PXDNL: variants seen among roughly 807,000 people sequenced by gnomAD.
PXDNL encodes the protein peroxidasin like, also known as probable oxidoreductase PXDNL.
In PXDNL, 145 loss-of-function variants were observed where a neutral mutation model predicts 150.8. The observed-to-expected ratio is 0.96, with a 90% CI of 0.84 to 1.10. PXDNL has a LOEUF of 1.10. Among genes scored for constraint, PXDNL ranks in the 50% least tolerant of loss-of-function variants. The pLI is 0.00. For missense variants in PXDNL, 2,087 were observed against 1,873.9 expected (o/e 1.11, Z -2.10); for synonymous variants, 757 against 725.7 (o/e 1.04, Z -0.69).
chr8:51,441,757 C>T (rs1037554625), intron 12 of PXDNL, among the ~76,000 whole-genome samples: 1 of 152,060 alleles, frequency 6.6e-6, no homozygotes, highest in Non-Finnish European at 1.5e-5. Flanking sequence ...GTAATAAATG[C>T]CCTGTAGGAC....
At chr8:51,612,498 C>T (rs1814032303) in intron 2 of PXDNL, among the ~76,000 whole-genome samples, 2 of 152,160 alleles carry the variant, frequency 1.3e-5, no homozygotes. Context: ...AGGCATGGTT[C>T]TATGGTCTGA....
chr8:51,607,839 C>CA lies in PXDNL; in HGVS notation c.237-15142dup, dbSNP rs1270627183. Among the ~76,000 whole-genome samples the CA allele has an allele frequency of 4.9e-5, 4 of 81,406 alleles. No individual in the cohort carries two copies. The South Asian group carries it at 1.7e-3, about 34-fold the overall frequency. 53.4% of individuals were successfully genotyped at this position (81,406 alleles called of 152,430 possible). ...TGAGCAACAGAGTGAGACTCCATCT[C>CA]AAAAAAAAGGAAGAGAGGAAGGAAG... On this transcript the variant is annotated intron_variant, in intron 2 of 22. Transcript: ENST00000356297.
At chr8:51,439,274 G>A (rs1809484363) in intron 12 of PXDNL, among the ~76,000 whole-genome samples, 1 of 151,998 alleles carries the variant, frequency 6.6e-6, no homozygotes, top group Non-Finnish European at 1.5e-5. Flanking sequence ...GACATGAATA[G>A]ACAATTCTCA....
At chr8:51,655,059 T>C (rs1178509141) in intron 1 of PXDNL, among the ~76,000 whole-genome samples, 1 of 152,250 alleles carries the variant, frequency 6.6e-6, no homozygotes, top group Non-Finnish European at 1.5e-5. Flanking sequence ...AGGTTTTATT[T>C]GTATGCCAGT....
At chr8:51,761,085 G>A (rs533473891) in intron 1 of PXDNL, among the ~76,000 whole-genome samples, 21 of 145,642 alleles carry the variant, frequency 1.4e-4, no homozygotes, top group African/African-American at 4.4e-4. Flanking sequence ...ATGTTAGCCA[G>A]GATGGTCTCG....
chr8:51,544,885 G>T (rs777910224), intron 4 of PXDNL, among the ~76,000 whole-genome samples: 5 of 150,452 alleles, frequency 3.3e-5, no homozygotes, highest in African/African-American at 5.0e-5. Flanking sequence ...TGTACAATAA[G>T]AAACATTAAA....
intron 21 of PXDNL, among the ~76,000 whole-genome samples, chr8:51,338,671 C>G (rs1231414925): frequency 6.6e-6 from 1 of 152,214 alleles, no homozygotes; most frequent in Non-Finnish European, 1.5e-5. Context: ...GGCACCATGC[C>G]TTGAAAGAAA....
intron 21 of PXDNL, among the ~76,000 whole-genome samples, chr8:51,336,165 T>C (rs905016747): frequency 6.6e-6 from 1 of 152,188 alleles, no homozygotes; most frequent in African/African-American, 2.4e-5. Flanking sequence ...TGAGGCCCAT[T>C]ATGGTATATA....
At chr8:51,732,152 C>A (rs988550878) in intron 1 of PXDNL, among the ~76,000 whole-genome samples, 1 of 152,160 alleles carries the variant, frequency 6.6e-6, no homozygotes, top group Non-Finnish European at 1.5e-5. Flanking sequence ...CAAAGCATAT[C>A]TTTGTGAATA....
At chr8:51,326,777 C>T (rs1020964844) in intron 21 of PXDNL, among the ~76,000 whole-genome samples, 3 of 152,180 alleles carry the variant, frequency 2.0e-5, no homozygotes, top group East Asian at 3.9e-4. Flanking sequence ...TGCATGGTTC[C>T]TGCTTGGGGT....
At chr8:51,524,027 C>T (rs943201105) in intron 4 of PXDNL, among the ~76,000 whole-genome samples, 1 of 152,196 alleles carries the variant, frequency 6.6e-6, no homozygotes, top group Non-Finnish European at 1.5e-5. Flanking sequence ...TAACTGGGGC[C>T]TCTGCAGCAG....
chr8:51,553,202 A>C (rs1392143907), intron 4 of PXDNL, among the ~76,000 whole-genome samples: 1 of 152,084 alleles, frequency 6.6e-6, no homozygotes, highest in African/African-American at 2.4e-5. Context: ...GGCTCAGCAC[A>C]CCCAAAGCTC....
At chr8:51,769,018 C>T (rs940385068) in intron 1 of PXDNL, among the ~76,000 whole-genome samples, 3 of 152,212 alleles carry the variant, frequency 2.0e-5, no homozygotes, top group Admixed American at 6.5e-5. Flanking sequence ...AGGAGAATGG[C>T]GTGAACCCGG....
intron 20 of PXDNL, among the ~76,000 whole-genome samples, chr8:51,345,368 T>A (rs1341963677): frequency 6.6e-6 from 1 of 152,166 alleles, no homozygotes; most frequent in Non-Finnish European, 1.5e-5. Flanking sequence ...AGACTGACAT[T>A]TCTCAATTTT....
At chr8:51,702,995 T>A (rs1005402055) in intron 1 of PXDNL, among the ~76,000 whole-genome samples, 25 of 152,174 alleles carry the variant, frequency 1.6e-4, no homozygotes, top group African/African-American at 6.0e-4. Context: ...GTTTCCTCTA[T>A]ATTCAGAATA....
chr8:51,422,676 C>T (rs1808986247), intron 14 of PXDNL, among the ~76,000 whole-genome samples: 1 of 152,134 alleles, frequency 6.6e-6, no homozygotes, highest in African/African-American at 2.4e-5. Flanking sequence ...TGAGCAAAGC[C>T]CAAAATAGCA....
intron 4 of PXDNL, among the ~76,000 whole-genome samples, chr8:51,524,148 C>CAGT (rs5891419): frequency 6.6e-6 from 1 of 152,156 alleles, no homozygotes; most frequent in South Asian, 2.1e-4. Context: ...GGAGTCATAC[C>CAGT]TGATATATGA....
intron 3 of PXDNL, among the ~76,000 whole-genome samples, chr8:51,590,747 T>G (rs1011721476): frequency 5.9e-5 from 9 of 152,132 alleles, no homozygotes; most frequent in African/African-American, 2.2e-4. Context: ...TTCACAAGCT[T>G]ACAGCTGGAG....
At chr8:51,589,706 G>A (rs1441433194) in intron 3 of PXDNL, among the ~76,000 whole-genome samples, 3 of 152,184 alleles carry the variant, frequency 2.0e-5, no homozygotes, top group Non-Finnish European at 4.4e-5. Flanking sequence ...CTAAAGAGCA[G>A]AGCACTCAGG....
Sources: allele counts gnomAD v4.1 joint callset (sites outside exome capture counted in the v4.1 genomes callset), GRCh38; gene constraint gnomAD v4.1.1; transcripts MANE v1.5; gene names NCBI Gene and HGNC (gene_info 2026-07-23, HGNC 2026-07-21).